The following DSC1 variants were observed in gnomAD, a reference collection of about 807,000 sequenced individuals.
DSC1 encodes the protein desmocollin-1.
Under a neutral mutation model 98.8 loss-of-function variants are expected in DSC1, and 79 were observed. The ratio of observed to expected loss-of-function variants is 0.80; its 90% CI spans 0.67 to 0.96. DSC1 has a LOEUF of 0.96. Among genes scored for constraint, DSC1 ranks in the 50% least tolerant of loss-of-function variants. The probability of loss-of-function intolerance (pLI) is 0.00; values close to 1 mark genes in which losing one functional copy is unlikely to be tolerated. For missense variants in DSC1, 1,115 were observed against 1,075.9 expected (o/e 1.04, Z -0.51); for synonymous variants, 405 against 372.1 (o/e 1.09, Z -1.02).
At chr18:31,139,965 A>C (rs1884801441) in intron 10 of DSC1, 75 bp from the exon 11 acceptor site, 1 of 1,563,988 alleles carries the variant, frequency 6.4e-7, no homozygotes, top group Admixed American at 2.0e-5. Context: ...ATTTTGAAAA[A>C]TACATAAAAC....
At chr18:31,133,342 T>C (rs1172043274) in intron 13 of DSC1, among the ~76,000 whole-genome samples, 1 of 152,144 alleles carries the variant, frequency 6.6e-6, no homozygotes, top group Non-Finnish European at 1.5e-5. Context: ...AATAACAGTT[T>C]GCACAATGCA....
chr18:31,156,670 C>A (rs1364534775), intron 3 of DSC1, among the ~76,000 whole-genome samples: 1 of 152,036 alleles, frequency 6.6e-6, no homozygotes, highest in Non-Finnish European at 1.5e-5. Flanking sequence ...TTCATACAAT[C>A]AAAAAGAATT....
At chr18:31,149,160 A>T (rs1384997655) in intron 5 of DSC1, among the ~76,000 whole-genome samples, 1 of 152,188 alleles carries the variant, frequency 6.6e-6, no homozygotes, top group Non-Finnish European at 1.5e-5. Context: ...CCATTTCAAA[A>T]TGAATGCCTT....
At position 31,148,332 on chromosome 18, in the gene DSC1, T is replaced by C. The variant is rs184302189; in HGVS notation, c.772+166A>G. ...GCTCAGAGTCAATTACCACCCTTAA[T>C]AGCAATGTCATATAACATCAATTCC... On this transcript the variant is annotated intron_variant, in intron 6 of 15. Coordinates refer to ENST00000257198, the MANE Select transcript of DSC1 (RefSeq NM_024421.2). Among the ~76,000 whole-genome samples, 18 of 152,198 alleles carry C rather than the reference T, an allele frequency of 1.2e-4. No individual in the cohort carries two copies. The East Asian group carries it at 3.3e-3, about 28-fold the overall frequency.
intron 2 of DSC1, among the ~76,000 whole-genome samples, chr18:31,157,977 T>A (rs1989134598): frequency 6.6e-6 from 1 of 152,096 alleles, no homozygotes; most frequent in Non-Finnish European, 1.5e-5. Context: ...AAAACTATCT[T>A]GCCAAAAATA....
rs1988698027 is a variant in DSC1, at chr18:31,140,054, C to T, written c.1508G>A (p.Gly503Asp). 11 of 1,613,868 alleles carry T rather than the reference C, an allele frequency of 6.8e-6. No individual in the cohort carries two copies. The East Asian group carries it at 1.1e-4, about 16-fold the overall frequency. Residue 503 changes from glycine to aspartate, a missense_variant, in exon 10 of 16, where the codon GGT (glycine) becomes GAT (aspartate). Gly to Asp is a moderately conservative substitution (Grantham distance 94). Coordinates refer to ENST00000257198, the MANE Select transcript of DSC1 (RefSeq NM_024421.2). ...YKALDPEISS[G>D]EGLRYQKLGD... is the part of the protein sequence containing the mutation. ...AAAAGTACATCACCTTAAGCCTTCA[C>T]CACTGGATATTTCCGGGTCCAGTGC...
At chr18:31,156,871 T>C (rs1989108076) in intron 3 of DSC1, among the ~76,000 whole-genome samples, 1 of 152,194 alleles carries the variant, frequency 6.6e-6, no homozygotes, top group Non-Finnish European at 1.5e-5. Flanking sequence ...ATCAATTCTG[T>C]GGATTGGCCA....
At chr18:31,160,995 G>A (rs1284353626) in intron 1 of DSC1, among the ~76,000 whole-genome samples, 1 of 151,902 alleles carries the variant, frequency 6.6e-6, no homozygotes, top group Non-Finnish European at 1.5e-5. Context: ...ACACTTAGAG[G>A]ATATAGTCTA....
chr18:31,134,898 G>A lies in DSC1; in HGVS notation c.1664-114C>T, dbSNP rs111502830. ...CTACTAGCTGTCTGAGCTTGAGTTCGCATACATGCTTCCCAGATTTCAGAC... is the reference window on the plus strand; with the variant it reads ...CTACTAGCTGTCTGAGCTTGAGTTCACATACATGCTTCCCAGATTTCAGAC... On this transcript the variant is annotated intron_variant, in intron 11 of 15. Transcript: ENST00000257198. 155 of 940,048 alleles carry A rather than the reference G, an allele frequency of 1.6e-4. No individual in the cohort carries two copies. In the African/African-American group the frequency reaches 2.1e-3, roughly 13 times the overall value. The allele number at this position is 940,048 out of a possible 1,614,324, so 58.2% of individuals were successfully genotyped here.
chr18:31,148,829 CCT>C (rs1988902467), intron 5 of DSC1, among the ~76,000 whole-genome samples, 187 bp from the exon 6 acceptor site: 1 of 152,072 alleles, frequency 6.6e-6, no homozygotes, highest in Non-Finnish European at 1.5e-5. Context: ...ATTTCAATCC[CCT>C]CTCAGCGTTA....
At chr18:31,142,314 A>C in intron 8 of DSC1, 130 bp from the exon 9 acceptor site, 1 of 920,568 alleles carries the variant, frequency 1.1e-6, no homozygotes. Context: ...ATGGGGAAAC[A>C]TTTTACAAAT....
intron 13 of DSC1, among the ~76,000 whole-genome samples, chr18:31,133,072 A>C (rs1361267740): frequency 6.6e-6 from 1 of 152,168 alleles, no homozygotes; most frequent in African/African-American, 2.4e-5. Flanking sequence ...AATTACATAA[A>C]ATTGGTGTCT....
In DSC1 at chr18:31,140,130, T is replaced by A. The variant is rs371019104; in HGVS notation, c.1432A>T (p.Ile478Phe). 3.3e-5 allele frequency: 53 copies of A among 1,613,938 alleles called. No homozygotes were observed. Among genetic ancestry groups the A allele is most frequent in the Non-Finnish European group, 4.3e-5 (51 of 1,179,954 alleles). ...GPECHPPVKV[I>F]QSQDGFPAGQ... Reference sequence around the variant, plus strand: ...GCTGGGAAGCCATCTTGACTCTGAATAACTTTCACTGGAGGGTGGCATTCA... The same window carrying A: ...GCTGGGAAGCCATCTTGACTCTGAAAAACTTTCACTGGAGGGTGGCATTCA... Residue 478 changes from isoleucine (I) to phenylalanine (F), a missense_variant, in exon 10 of 16, where the codon ATT (isoleucine) becomes TTT (phenylalanine). By Grantham distance (21) the Ile-to-Phe change is conservative. Coordinates refer to ENST00000257198, the MANE Select transcript of DSC1 (RefSeq NM_024421.2).
chr18:31,148,748 C>G, intron 5 of DSC1, 106 bp from the exon 6 acceptor site: 1 of 1,110,802 alleles, frequency 9.0e-7, no homozygotes, highest in Non-Finnish European at 1.2e-6. Context: ...AAAATCATTC[C>G]CAAAGACCCG....
chr18:31,142,132 T>G lies in DSC1; in HGVS notation c.1127A>C (p.Lys376Thr). 6.2e-7 allele frequency: 1 copy of G among 1,613,106 alleles called. No individual in the cohort carries two copies. Among genetic ancestry groups the G allele is most frequent in the Non-Finnish European group, 8.5e-7 (1 of 1,179,690 alleles). ...NRIDVEILRM[K>T]VQDQDLPNTP... ...GTTTGGCAAATCCTGATCCTGTACC[T>G]TCATTCGTAAAATCTCCACGTCAAT... Residue 376 changes from lysine (K) to threonine (T), a missense_variant, in exon 9 of 16, where the codon AAG becomes ACG. Transcript: ENST00000257198.
intron 5 of DSC1, among the ~76,000 whole-genome samples, chr18:31,150,247 TACCACC>T (rs1227424135): frequency 3.5e-5 from 2 of 56,678 alleles, no homozygotes; most frequent in Non-Finnish European, 7.3e-5. Context: ...TCACCACCAC[TACCACC>T]ACCACCATCA....
At chr18:31,134,894 G>T (rs897872418) in intron 11 of DSC1, 110 bp from the exon 12 acceptor site, 1 of 1,005,592 alleles carries the variant, frequency 9.9e-7, no homozygotes, top group Non-Finnish European at 1.4e-6. Context: ...CTGAGCTTGA[G>T]TTCGCATACA....
intron 11 of DSC1, among the ~76,000 whole-genome samples, chr18:31,136,913 A>T (rs1157101066): frequency 6.6e-6 from 1 of 152,194 alleles, no homozygotes; most frequent in African/African-American, 2.4e-5. Context: ...ATAGCTGAGC[A>T]TGATGAAGTC....
intron 11 of DSC1, among the ~76,000 whole-genome samples, chr18:31,139,106 C>T (rs557409763): frequency 2.0e-5 from 3 of 151,918 alleles, no homozygotes; most frequent in Admixed American, 6.6e-5. Flanking sequence ...TATATTTAAA[C>T]ATACTAACAA....
Sources: gnomAD v4.1 joint callset for allele counts (sites outside exome capture counted in the v4.1 genomes callset) on GRCh38, gnomAD v4.1.1 for gene constraint, MANE v1.5 for transcripts, NCBI Gene and HGNC (gene_info 2026-07-23, HGNC 2026-07-21) for gene names.